The following ADAMTS20 variants were observed in gnomAD, a reference collection of about 807,000 sequenced individuals.
ADAMTS20 encodes the protein ADAM metallopeptidase with thrombospondin type 1 motif 20.
In ADAMTS20, 225 loss-of-function variants were observed where a neutral mutation model predicts 260.1. The ratio of observed to expected loss-of-function variants is 0.87; its 90% CI spans 0.78 to 0.97. The LOEUF (loss-of-function observed/expected upper bound fraction) is 0.97. Among genes scored for constraint, ADAMTS20 ranks in the 50% least tolerant of loss-of-function variants. The pLI is 0.00. For missense variants in ADAMTS20, 2,400 were observed against 2,337.7 expected (o/e 1.03, Z -0.55); for synonymous variants, 802 against 769.5 (o/e 1.04, Z -0.70).
chr12:43,485,738 C>A (rs1285400705), intron 7 of ADAMTS20, among the ~76,000 whole-genome samples: 1 of 152,048 alleles, frequency 6.6e-6, no homozygotes, highest in Non-Finnish European at 1.5e-5. Context: ...GTTCCCAAAT[C>A]AACATACACA....
intron 3 of ADAMTS20, among the ~76,000 whole-genome samples, chr12:43,507,390 G>T (rs1510522): frequency 0.35 from 52,816 of 151,952 alleles, 9,769 homozygotes; most frequent in East Asian, 0.75. Context: ...TGCAATGTGG[G>T]ACTACAAGCG....
chr12:43,447,264 T>C (rs550535094), intron 14 of ADAMTS20, among the ~76,000 whole-genome samples: 2 of 151,896 alleles, frequency 1.3e-5, no homozygotes, highest in East Asian at 3.9e-4. Flanking sequence ...GCAAACCAAA[T>C]CCAGCAGCAA....
intron 37 of ADAMTS20, among the ~76,000 whole-genome samples, chr12:43,360,307 GGC>G (rs1184231607): frequency 6.6e-6 from 1 of 152,094 alleles, no homozygotes; most frequent in Non-Finnish European, 1.5e-5. Flanking sequence ...AAATTAGCCG[GGC>G]GTGGTGGCAG....
downstream of ADAMTS20, among the ~76,000 whole-genome samples, chr12:43,353,555 T>C (rs1939680193): frequency 6.6e-6 from 1 of 152,058 alleles, no homozygotes; most frequent in Non-Finnish European, 1.5e-5. Flanking sequence ...AAATTTTTTA[T>C]TTACTATTTA....
chr12:43,393,959 T>C (rs1940648451), intron 29 of ADAMTS20, among the ~76,000 whole-genome samples: 2 of 152,090 alleles, frequency 1.3e-5, no homozygotes, highest in South Asian at 4.1e-4. Context: ...TATATTGAAC[T>C]AGAATATTTT....
At chr12:43,424,757 A>C (rs1941298404) in intron 28 of ADAMTS20, among the ~76,000 whole-genome samples, 1 of 152,030 alleles carries the variant, frequency 6.6e-6, no homozygotes, top group Non-Finnish European at 1.5e-5. Context: ...CAGCAAGCCA[A>C]ACATAAAACG....
intron 2 of ADAMTS20, among the ~76,000 whole-genome samples, chr12:43,542,736 A>G (rs1395061131): frequency 6.6e-6 from 1 of 152,238 alleles, no homozygotes; most frequent in Non-Finnish European, 1.5e-5. Context: ...ACTTGAAGCA[A>G]TTATCAAAAC....
At chr12:43,497,248 T>C (rs1942690132) in intron 4 of ADAMTS20, among the ~76,000 whole-genome samples, 1 of 152,188 alleles carries the variant, frequency 6.6e-6, no homozygotes, top group Non-Finnish European at 1.5e-5. Flanking sequence ...TGGTATGAAT[T>C]GTATTGTTGA....
chr12:43,362,777 T>G (rs778530011), intron 37 of ADAMTS20, among the ~76,000 whole-genome samples: 2 of 149,056 alleles, frequency 1.3e-5, no homozygotes, highest in African/African-American at 5.0e-5. Context: ...TGCATACATA[T>G]GTAACAAACC....
intron 28 of ADAMTS20, among the ~76,000 whole-genome samples, chr12:43,421,628 C>A (rs1207423307): frequency 8.8e-4 from 134 of 152,110 alleles, no homozygotes; most frequent in Non-Finnish European, 7.4e-5. Context: ...CTACCTTGGT[C>A]ATAAGCATAT....
chr12:43,457,199 T>G (rs1258002843), intron 11 of ADAMTS20, among the ~76,000 whole-genome samples: 1 of 152,212 alleles, frequency 6.6e-6, no homozygotes, highest in Non-Finnish European at 1.5e-5. Context: ...ACACTTGGTT[T>G]TCTTCCTTTC....
chr12:43,383,784 A>G lies in ADAMTS20; in HGVS notation c.4626+20T>C. The G allele has an allele frequency of 6.2e-7, 1 of 1,613,482 alleles. No individual in the cohort carries two copies. The highest frequency in any genetic ancestry group is 8.5e-7 in the Non-Finnish European group (1 of 1,179,522). ...ATTCTTATATGCAGTGTCTTTGAAAATTTACATGTCGATACTCACATTCAG... is the reference window on the plus strand; with the variant it reads ...ATTCTTATATGCAGTGTCTTTGAAAGTTTACATGTCGATACTCACATTCAG... On this transcript the variant is annotated intron_variant, in intron 30 of 38. Coordinates refer to ENST00000389420, the MANE Select transcript of ADAMTS20 (RefSeq NM_025003.5).
intron 2 of ADAMTS20, among the ~76,000 whole-genome samples, chr12:43,545,933 A>G (rs1226756905): frequency 6.6e-6 from 1 of 152,184 alleles, no homozygotes; most frequent in East Asian, 1.9e-4. Flanking sequence ...TAGAATGTTA[A>G]AAGAACAGCA....
chr12:43,369,437 G>GTTCCC, intron 36 of ADAMTS20, 56 bp from the exon 37 acceptor site: 1 of 1,003,214 alleles, frequency 1.0e-6, no homozygotes, highest in Non-Finnish European at 1.3e-6. Flanking sequence ...AATCGTTGTT[G>GTTCCC]TCAAACACAG....
rs189499988 is a variant in ADAMTS20 at position 43,432,084 on chromosome 12, C to G, written c.3096+220G>C. On this transcript the variant is annotated intron_variant, in intron 21 of 38. Coordinates refer to ENST00000389420, the MANE Select transcript of ADAMTS20 (RefSeq NM_025003.5). Reference sequence around the variant, plus strand: ...CTCAGGCTGGTCTTGAACATCTGAGCTCAAGCAATCCACCCACCTCAGTTT... The same window carrying G: ...CTCAGGCTGGTCTTGAACATCTGAGGTCAAGCAATCCACCCACCTCAGTTT... Among the ~76,000 whole-genome samples, 90 of 152,234 alleles carry G rather than the reference C, an allele frequency of 5.9e-4. 1 individual carries two copies. Among genetic ancestry groups the G allele is most frequent in the Non-Finnish European group, 2.9e-4 (20 of 68,008 alleles).
chr12:43,428,912 A>T, intron 24 of ADAMTS20, 113 bp from the exon 25 acceptor site: 3 of 972,064 alleles, frequency 3.1e-6, no homozygotes. Context: ...GAGAAATTTT[A>T]AATTATTATA....
intron 29 of ADAMTS20, among the ~76,000 whole-genome samples, chr12:43,391,383 CT>C (rs968236151): frequency 2.0e-5 from 3 of 152,042 alleles, no homozygotes; most frequent in African/African-American, 4.8e-5. Flanking sequence ...AAGTTCTGTT[CT>C]TTTTTACTCC....
At chr12:43,404,981 C>T (rs540670537) in intron 28 of ADAMTS20, among the ~76,000 whole-genome samples, 11 of 151,824 alleles carry the variant, frequency 7.2e-5, no homozygotes, top group Non-Finnish European at 1.0e-4. Context: ...GACTCTTTTG[C>T]TGAAGCACAG....
chr12:43,514,660 T>C (rs80226155), intron 3 of ADAMTS20, among the ~76,000 whole-genome samples: 1,692 of 147,912 alleles, frequency 0.011, 32 homozygotes, highest in East Asian at 0.066. Flanking sequence ...CGGACTAAGA[T>C]GAACCAATGG....
Sources: gnomAD v4.1 joint callset for allele counts (sites outside exome capture counted in the v4.1 genomes callset) on GRCh38, gnomAD v4.1.1 for gene constraint, MANE v1.5 for transcripts, NCBI Gene and HGNC (gene_info 2026-07-23, HGNC 2026-07-21) for gene names.